Variants in PRKN observed in about 807,000 individuals in gnomAD.
The protein encoded by PRKN is E3 ubiquitin-protein ligase parkin.
Under a neutral mutation model 59.5 loss-of-function variants are expected in PRKN, and 56 were observed. That is an observed-to-expected ratio of 0.94 (90% CI 0.76 to 1.18). PRKN has a LOEUF of 1.18. Ranked by LOEUF, PRKN falls within the 50% of genes most tolerant of loss-of-function variation. The probability of loss-of-function intolerance (pLI) is 0.00; values close to 1 mark genes in which losing one functional copy is unlikely to be tolerated. For synonymous variants in PRKN, 250 were observed against 222.1 expected, an observed-to-expected ratio of 1.13 and a Z score of -1.12; for missense variants, 657 against 596.4, an observed-to-expected ratio of 1.10 and a Z score of -1.06.
intron 1 of PRKN, among the ~76,000 whole-genome samples, chr6:162,536,293 A>G (rs149527426): frequency 1.3e-5 from 2 of 152,250 alleles, no homozygotes; most frequent in East Asian, 3.9e-4. Context: ...AAAAATGACA[A>G]GCAGAAGGTG....
chr6:162,113,789 C>T (rs1161245396), intron 4 of PRKN, among the ~76,000 whole-genome samples: 2 of 152,116 alleles, frequency 1.3e-5, no homozygotes, highest in Admixed American at 6.6e-5. Context: ...AAGTCCTTGC[C>T]CTGCCTATGT....
At position 161,575,624 on chromosome 6, in the gene PRKN, T is replaced by A. The variant is rs368247574; in HGVS notation, c.872-6208A>T. ...TCACAGGAGCAATTGTGATATCCTT[T>A]GGGTTCAATGGAAAATCGTGAGCAC... On this transcript the variant is annotated intron_variant, in intron 7 of 11. Transcript: ENST00000366898. This position sits in a 1 kb window ranked among gnomAD's most constrained non-coding sequence, Gnocchi z 4.6. Among the ~76,000 whole-genome samples, 5 of 152,304 alleles carry A rather than the reference T, an allele frequency of 3.3e-5. No individual in the cohort carries two copies. The highest frequency in any genetic ancestry group is 1.2e-4 in the African/African-American group (5 of 41,576).
chr6:161,656,981 G>A (rs376024012), intron 7 of PRKN, among the ~76,000 whole-genome samples: 3 of 152,090 alleles, frequency 2.0e-5, no homozygotes, highest in Admixed American at 6.6e-5. Context: ...GGTACTTGGC[G>A]CCAACAGATT....
rs1372261253 is a variant in PRKN, at chr6:161,525,188, G to A, written c.1083+23666C>T. 2.0e-5 allele frequency among the ~76,000 whole-genome samples: 3 copies of A among 151,920 alleles called. No individual in the cohort carries two copies. Among genetic ancestry groups the A allele is most frequent in the South Asian group, 2.1e-4 (1 of 4,818 alleles). Reference sequence around the variant, plus strand: ...GAGTAGGGTTCTGTGTGAGATGGACGGGTGAAGCCATAAGGATATATAGTA... The same window carrying A: ...GAGTAGGGTTCTGTGTGAGATGGACAGGTGAAGCCATAAGGATATATAGTA... On this transcript the variant is annotated intron_variant, in intron 9 of 11. Coordinates refer to ENST00000366898, the MANE Select transcript of PRKN (RefSeq NM_004562.3). This position sits in a 1 kb window ranked among gnomAD's most constrained non-coding sequence, Gnocchi z 4.7.
At chr6:162,351,186 G>A (rs895980366) in intron 2 of PRKN, among the ~76,000 whole-genome samples, 6 of 151,858 alleles carry the variant, frequency 4.0e-5, no homozygotes, top group South Asian at 2.1e-4. Context: ...GCGAGTCTAC[G>A]TTTCCAAAAA....
intron 1 of PRKN, among the ~76,000 whole-genome samples, chr6:162,578,096 T>C (rs1425923418): frequency 1.3e-5 from 2 of 152,176 alleles, no homozygotes; most frequent in African/African-American, 4.8e-5. Context: ...TATATGGATA[T>C]TCTCTCAACC....
At chr6:162,163,123 T>G (rs889108325) in intron 4 of PRKN, among the ~76,000 whole-genome samples, 6 of 149,508 alleles carry the variant, frequency 4.0e-5, no homozygotes, top group African/African-American at 1.5e-4. Context: ...AACAATTTCT[T>G]AAAGTGCTAT....
chr6:162,339,683 T>A (rs563610477), intron 2 of PRKN, among the ~76,000 whole-genome samples: 3 of 152,214 alleles, frequency 2.0e-5, no homozygotes, highest in Admixed American at 2.0e-4. Flanking sequence ...AATGGTGGCT[T>A]TGTGGAATAG....
At chr6:161,786,911 GA>G (rs11372289) in intron 6 of PRKN, among the ~76,000 whole-genome samples, 9 of 150,716 alleles carry the variant, frequency 6.0e-5, no homozygotes, top group African/African-American at 2.2e-4. Context: ...ATACTCTGTA[GA>G]AAAAAAAATC....
chr6:161,668,102 T>A (rs1784784388), intron 7 of PRKN, among the ~76,000 whole-genome samples: 3 of 152,178 alleles, frequency 2.0e-5, no homozygotes, highest in South Asian at 4.1e-4. Context: ...GGTTCATACA[T>A]TTCACAGCTA....
chr6:162,545,631 C>T (rs2128201504), intron 1 of PRKN, among the ~76,000 whole-genome samples: 1 of 152,166 alleles, frequency 6.6e-6, no homozygotes, highest in African/African-American at 2.4e-5. Flanking sequence ...TAATGGTATT[C>T]TAATAGTATT....
At chr6:162,316,984 C>A (rs1440508099) in intron 2 of PRKN, among the ~76,000 whole-genome samples, 1 of 151,980 alleles carries the variant, frequency 6.6e-6, no homozygotes, top group Non-Finnish European at 1.5e-5. Context: ...GGGAATTGAA[C>A]CTGGACTTAA....
chr6:161,596,092 G>A (rs1408000410), intron 7 of PRKN, among the ~76,000 whole-genome samples: 1 of 152,200 alleles, frequency 6.6e-6, no homozygotes, highest in Non-Finnish European at 1.5e-5. Context: ...GACTGACAGC[G>A]TGGAGCTGCC....
At chr6:162,157,271 G>A (rs1390427393) in intron 4 of PRKN, among the ~76,000 whole-genome samples, 1 of 151,218 alleles carries the variant, frequency 6.6e-6, no homozygotes, top group East Asian at 2.0e-4. Context: ...AGACAGGATG[G>A]CACTTTGCCC....
At chr6:161,959,778 G>A (rs983527524) in intron 6 of PRKN, among the ~76,000 whole-genome samples, 5 of 152,050 alleles carry the variant, frequency 3.3e-5, no homozygotes, top group Non-Finnish European at 7.4e-5. Flanking sequence ...TTAGATTTGT[G>A]TACAGATCTA....
rs1789563786 is a variant in PRKN, at chr6:161,447,806, A to G, written c.1084-60929T>C. Among the ~76,000 whole-genome samples, 1 of 152,082 alleles carries G rather than the reference A, an allele frequency of 6.6e-6. No individual in the cohort carries two copies. Among genetic ancestry groups the G allele is most frequent in the South Asian group, 2.1e-4 (1 of 4,824 alleles). The stretch of plus-strand genomic sequence containing the variant: ...CCGTGGCTGGCCTCCTTTTTCTTTT[A>G]AACACATACATACATATATGTAAAA... On this transcript the variant is annotated intron_variant, in intron 9 of 11. Coordinates refer to ENST00000366898, the MANE Select transcript of PRKN (RefSeq NM_004562.3). The surrounding 1 kb of genome is among the most constrained non-coding windows in gnomAD (Gnocchi z 4.1).
chr6:162,077,789 C>T (rs1778890163), intron 4 of PRKN, among the ~76,000 whole-genome samples: 1 of 151,884 alleles, frequency 6.6e-6, no homozygotes, highest in South Asian at 2.1e-4. Context: ...CACCTGAGAT[C>T]AGAAGTTCAA....
At chr6:162,439,698 T>A (rs9458552) in intron 2 of PRKN, among the ~76,000 whole-genome samples, 1 of 74,950 alleles carries the variant, frequency 1.3e-5, no homozygotes, top group African/African-American at 8.1e-5. Context: ...TCTTCCTCTT[T>A]AGCCTACTCA....
intron 1 of PRKN, among the ~76,000 whole-genome samples, chr6:162,548,879 C>T (rs1047360596): frequency 6.6e-6 from 1 of 152,000 alleles, no homozygotes; most frequent in African/African-American, 2.4e-5. Flanking sequence ...TTTCACTGGT[C>T]CGCTCACTCC....
Sources: allele counts gnomAD v4.1 joint callset (sites outside exome capture counted in the v4.1 genomes callset), GRCh38; gene constraint gnomAD v4.1.1; non-coding constraint Gnocchi (gnomAD v3.1); transcripts MANE v1.5; gene names NCBI Gene and HGNC (gene_info 2026-07-23, HGNC 2026-07-21).